The following PIEZO2 variants were observed in gnomAD, a reference collection of about 807,000 sequenced individuals.
PIEZO2 encodes piezo-type mechanosensitive ion channel component 2.
A neutral mutation model predicts 337.3 loss-of-function variants in PIEZO2; 172 were observed. That is an observed-to-expected ratio of 0.51 (90% confidence interval 0.45 to 0.58). PIEZO2 has a LOEUF of 0.58. PIEZO2 is among the 20% of genes least tolerant of loss of function. The pLI, the probability that PIEZO2 is intolerant of heterozygous loss-of-function variation, is 0.00. For missense variants in PIEZO2, 3,028 were observed against 3,391.3 expected (o/e 0.89, Z 2.66); for synonymous variants, 1,251 against 1,228.5 (o/e 1.02, Z -0.38).
chr18:10,675,836 A>C (rs2033975525), intron 53 of PIEZO2, among the ~76,000 whole-genome samples: 1 of 152,082 alleles, frequency 6.6e-6, no homozygotes, highest in African/African-American at 2.4e-5. Flanking sequence ...ATAGTGAATA[A>C]GTCTCATGAA....
rs373269055 is a variant in PIEZO2, at chr18:10,916,983, G to A, written c.287-5755C>T. On this transcript the variant is annotated intron_variant, in intron 3 of 55. Coordinates refer to ENST00000674853, the MANE Select transcript of PIEZO2 (RefSeq NM_001378183.1). ...TAGTGTCTGATGATGAATTCTGGAAGCCTGTGAATGCCTATAGAAGTTCTC... is the reference window on the plus strand; with the variant it reads ...TAGTGTCTGATGATGAATTCTGGAAACCTGTGAATGCCTATAGAAGTTCTC... Among the ~76,000 whole-genome samples, 60 of 152,214 alleles carry A rather than the reference G, an allele frequency of 3.9e-4. No homozygotes were observed. In the Middle Eastern group the frequency reaches 0.014, roughly 35 times the overall value.
chr18:11,026,979 G>A (rs547711861), intron 2 of PIEZO2, among the ~76,000 whole-genome samples: 6 of 152,146 alleles, frequency 3.9e-5, no homozygotes, highest in Non-Finnish European at 5.9e-5. Flanking sequence ...GGGAGCGCTC[G>A]TCTCCAAGCT....
In PIEZO2 at chr18:11,021,992, C is replaced by T. The variant is rs2036329288; in HGVS notation, c.161-42332G>A. On this transcript the variant is annotated intron_variant, in intron 2 of 55. Transcript: ENST00000674853. The surrounding 1 kb of genome is among the most constrained non-coding windows in gnomAD (Gnocchi z 4.7). ...GCAGGGGGGTCTCTCAAGAACAAACCCCAGGCATACATCTGTGTCTGTAAT... is the reference window on the plus strand; with the variant it reads ...GCAGGGGGGTCTCTCAAGAACAAACTCCAGGCATACATCTGTGTCTGTAAT... 6.6e-6 allele frequency among the ~76,000 whole-genome samples: 1 copy of T among 152,144 alleles called. No homozygotes were observed. Among genetic ancestry groups the T allele is most frequent in the Non-Finnish European group, 1.5e-5 (1 of 68,018 alleles).
chr18:10,987,608 A>G (rs1244470450), intron 2 of PIEZO2, among the ~76,000 whole-genome samples: 2 of 152,172 alleles, frequency 1.3e-5, no homozygotes, highest in Non-Finnish European at 2.9e-5. Flanking sequence ...GAGAAAACAT[A>G]GGGAAAAGAT....
At chr18:11,062,732 A>C (rs2038012715) in intron 2 of PIEZO2, among the ~76,000 whole-genome samples, 1 of 152,200 alleles carries the variant, frequency 6.6e-6, no homozygotes, top group Admixed American at 6.5e-5. Context: ...ACCAGTTAGA[A>C]TGGCCATCAT....
rs1278770108 is a variant in PIEZO2 at position 11,091,394 on chromosome 18, A to G, written c.65-25172T>C. 4.1e-5 allele frequency among the ~76,000 whole-genome samples: 5 copies of G among 123,168 alleles called. No individual in the cohort carries two copies. The South Asian group carries it at 1.2e-3, about 30-fold the overall frequency. The allele number at this position is 123,168 out of a possible 152,430, so 80.8% of individuals were successfully genotyped here. A position where few individuals can be genotyped will look rare whatever the true frequency, so the allele number is the denominator to read the frequency against. ...GCAAGACTCCGTCTCAAAAAAAAAA[A>G]AAAAAGAAAAAAAGAAAAAGAAAGG... On this transcript the variant is annotated intron_variant, in intron 1 of 55. Transcript: ENST00000674853.
chr18:10,963,228 T>A (rs1204100766), intron 3 of PIEZO2, among the ~76,000 whole-genome samples: 2 of 151,674 alleles, frequency 1.3e-5, no homozygotes, highest in Non-Finnish European at 2.9e-5. Flanking sequence ...GAGGTTGCAG[T>A]GAGCTGAGAC....
Position 11,143,293 on chromosome 18 carries a change from C to A in PIEZO2, c.64+5232G>T, listed in dbSNP as rs559737001. Among the ~76,000 whole-genome samples, 34 of 152,178 alleles carry A rather than the reference C, an allele frequency of 2.2e-4. No homozygotes were observed. Among genetic ancestry groups the A allele is most frequent in the African/African-American group, 5.3e-4 (22 of 41,512 alleles). Reference sequence around the variant, plus strand: ...CAGATGGCTTATGCTATTCTAAGTTCTCCTGAATATTTATGCAAAAAAGCA... The same window carrying A: ...CAGATGGCTTATGCTATTCTAAGTTATCCTGAATATTTATGCAAAAAAGCA... On this transcript the variant is annotated intron_variant, in intron 1 of 55. Coordinates refer to ENST00000674853, the MANE Select transcript of PIEZO2 (RefSeq NM_001378183.1). The surrounding 1 kb of genome is among the most constrained non-coding windows in gnomAD (Gnocchi z 4.9).
In PIEZO2 at chr18:10,759,738, T is replaced by C. The variant is rs1393579482; in HGVS notation, c.3622A>G (p.Ile1208Val). ...LACIITFQYFICIGIPPAPCR... is the reference protein window; with the variant it reads ...LACIITFQYFVCIGIPPAPCR... ...GGAGCAGGTGGGATGCCAATGCAGATGAAATACTGGAAGGTGATGATGCAT... is the reference window on the plus strand; with the variant it reads ...GGAGCAGGTGGGATGCCAATGCAGACGAAATACTGGAAGGTGATGATGCAT... The change falls in exon 25 of 56, where the codon ATC becomes GTC. Residue 1208 changes from isoleucine to valine, a missense_variant. Transcript: ENST00000674853. The surrounding 1 kb of genome is among the most constrained non-coding windows in gnomAD (Gnocchi z 5.5). The C allele has an allele frequency of 7.8e-6, 12 of 1,537,208 alleles. No individual in the cohort carries two copies. The South Asian group carries it at 8.3e-5, about 11-fold the overall frequency.
chr18:10,964,690 C>T (rs557505502), intron 3 of PIEZO2, among the ~76,000 whole-genome samples: 43 of 152,270 alleles, frequency 2.8e-4, no homozygotes, highest in African/African-American at 9.4e-4. Flanking sequence ...CAACTACCAC[C>T]CTACTAGTTC....
chr18:10,779,100 C>A (rs1246315201), intron 18 of PIEZO2, among the ~76,000 whole-genome samples: 1 of 152,144 alleles, frequency 6.6e-6, no homozygotes, highest in South Asian at 2.1e-4. Flanking sequence ...TTGTCAAAAA[C>A]CAGCCCCCAA....
At position 10,707,499 on chromosome 18, in the gene PIEZO2, G is replaced by A. The variant is rs751509171; in HGVS notation, c.5588+776C>T. On this transcript the variant is annotated intron_variant, in intron 40 of 55. Coordinates refer to ENST00000674853, the MANE Select transcript of PIEZO2 (RefSeq NM_001378183.1). The surrounding 1 kb of genome is among the most constrained non-coding windows in gnomAD (Gnocchi z 4.2). ...ACTTGCCACCATGAGCAGTCAAAAC[G>A]AAACTTGTCTTGGATTAGGCTGTTT... Among the ~76,000 whole-genome samples, 27 of 152,106 alleles carry A rather than the reference G, an allele frequency of 1.8e-4. No individual in the cohort carries two copies. The highest frequency in any genetic ancestry group is 3.1e-4 in the Non-Finnish European group (21 of 68,022).
rs576147782 is a variant in PIEZO2 at position 10,945,274 on chromosome 18, T to G, written c.287-34046A>C. Among the ~76,000 whole-genome samples, 37 of 152,228 alleles carry G rather than the reference T, an allele frequency of 2.4e-4. No homozygotes were observed. Among genetic ancestry groups the G allele is most frequent in the Admixed American group, 2.0e-3 (31 of 15,284 alleles). ...AGCTCACTGCAGCCTCAAACTCCTGTGCTCAGGGGATCCTCCCACCTCAGC... is the reference window on the plus strand; with the variant it reads ...AGCTCACTGCAGCCTCAAACTCCTGGGCTCAGGGGATCCTCCCACCTCAGC... On this transcript the variant is annotated intron_variant, in intron 3 of 55. Coordinates refer to ENST00000674853, the MANE Select transcript of PIEZO2 (RefSeq NM_001378183.1). This position sits in a 1 kb window ranked among gnomAD's most constrained non-coding sequence, Gnocchi z 4.0.
At chr18:10,796,028 G>A (rs1370213762) in intron 12 of PIEZO2, among the ~76,000 whole-genome samples, 1 of 152,036 alleles carries the variant, frequency 6.6e-6, no homozygotes, top group Admixed American at 6.6e-5. Flanking sequence ...ATTGGAAGGT[G>A]CTCTAGGGAA....
In PIEZO2 at chr18:10,775,653, C is replaced by T. The variant is rs1403714372; in HGVS notation, c.2535-1615G>A. 6.6e-6 allele frequency among the ~76,000 whole-genome samples: 1 copy of T among 152,216 alleles called. No homozygotes were observed. Among genetic ancestry groups the T allele is most frequent in the Non-Finnish European group, 1.5e-5 (1 of 68,048 alleles). On this transcript the variant is annotated intron_variant, in intron 18 of 55. Coordinates refer to ENST00000674853, the MANE Select transcript of PIEZO2 (RefSeq NM_001378183.1). The surrounding 1 kb of genome is among the most constrained non-coding windows in gnomAD (Gnocchi z 4.3). ...CAGATGTCCTTAAGCAACGATGCCCCCAAACTGCCATGCCACAGGCAGGGT... is the reference window on the plus strand; with the variant it reads ...CAGATGTCCTTAAGCAACGATGCCCTCAAACTGCCATGCCACAGGCAGGGT...
rs1294050613 is a variant in PIEZO2 at position 10,943,129 on chromosome 18, C to T, written c.287-31901G>A. Among the ~76,000 whole-genome samples the T allele has an allele frequency of 6.6e-6, 1 of 152,220 alleles. No individual in the cohort carries two copies. Among genetic ancestry groups the T allele is most frequent in the Non-Finnish European group, 1.5e-5 (1 of 68,040 alleles). On this transcript the variant is annotated intron_variant, in intron 3 of 55. Coordinates refer to ENST00000674853, the MANE Select transcript of PIEZO2 (RefSeq NM_001378183.1). The surrounding 1 kb of genome is among the most constrained non-coding windows in gnomAD (Gnocchi z 4.5). ...GAGGCAGGGTCCTCATGGAGAACCT[C>T]TGCTAGGGCAGTGAGGAAGGGAAAT...
intron 1 of PIEZO2, among the ~76,000 whole-genome samples, chr18:11,072,725 T>C (rs1047007390): frequency 2.0e-5 from 3 of 152,360 alleles, no homozygotes; most frequent in Middle Eastern, 3.4e-3. Flanking sequence ...TTTGCACCAC[T>C]GCAGTCGGGA....
rs2039501345 is a variant in PIEZO2 at position 11,104,368 on chromosome 18, CAAG to C, written c.65-38149_65-38147del. On this transcript the variant is annotated intron_variant, in intron 1 of 55. Coordinates refer to ENST00000674853, the MANE Select transcript of PIEZO2 (RefSeq NM_001378183.1). The surrounding 1 kb of genome is among the most constrained non-coding windows in gnomAD (Gnocchi z 4.6). ...AGCCAGGAGGCTCTTTCTCCTAGAC[CAAG>C]ACAGTCTGATTTGTGTCTTTTGGAT... 6.6e-6 allele frequency among the ~76,000 whole-genome samples: 1 copy of C among 152,188 alleles called. No individual in the cohort carries two copies. The highest frequency in any genetic ancestry group is 2.4e-5 in the African/African-American group (1 of 41,442).
chr18:10,860,683 G>A (rs1406288589), intron 5 of PIEZO2, among the ~76,000 whole-genome samples: 1 of 152,226 alleles, frequency 6.6e-6, no homozygotes, highest in African/African-American at 2.4e-5. Context: ...AAAGAACACA[G>A]CAAGGGCCTC....
Sources: gnomAD v4.1 joint callset for allele counts (sites outside exome capture counted in the v4.1 genomes callset) on GRCh38, gnomAD v4.1.1 for gene constraint, Gnocchi (gnomAD v3.1) non-coding constraint, MANE v1.5 for transcripts, NCBI Gene and HGNC (gene_info 2026-07-23, HGNC 2026-07-21) for gene names.